Variants in ZNF804B observed in about 807,000 individuals in gnomAD.
The protein encoded by ZNF804B is zinc finger protein 804B.
ZNF804B carries 80 observed loss-of-function variants against 101.4 expected under a neutral mutation model. The observed-to-expected ratio is 0.79, with a 90% CI of 0.66 to 0.95. The LOEUF is 0.95. Ranked by LOEUF, ZNF804B falls within the 40% of genes least tolerant of loss-of-function variation. The pLI is 0.00. For synonymous variants in ZNF804B, 622 were observed against 558.8 expected (o/e 1.11, Z -1.59); for missense variants, 1,673 against 1,561.9 (o/e 1.07, Z -1.20).
intron 1 of ZNF804B, among the ~76,000 whole-genome samples, chr7:88,976,878 A>G (rs765752734): frequency 1.3e-5 from 2 of 151,688 alleles, no homozygotes; most frequent in Non-Finnish European, 3.0e-5. Context: ...GGTCTGTGGT[A>G]CATGGCTTTC....
intron 1 of ZNF804B, among the ~76,000 whole-genome samples, chr7:88,874,519 T>G: frequency 6.6e-6 from 1 of 151,666 alleles, no homozygotes. Context: ...TGAATAGGAG[T>G]GGTGAGAGAG....
intron 1 of ZNF804B, among the ~76,000 whole-genome samples, chr7:89,103,048 G>GT (rs56693128): frequency 0.015 from 499 of 33,750 alleles, 133 homozygotes; most frequent in East Asian, 0.061. Context: ...CTATGTGTCT[G>GT]TTTTTTTTTT....
At chr7:89,176,853 G>T (rs1480516051) in intron 1 of ZNF804B, among the ~76,000 whole-genome samples, 1 of 151,464 alleles carries the variant, frequency 6.6e-6, no homozygotes, top group African/African-American at 2.4e-5. Flanking sequence ...ATATCTTCAT[G>T]GTTCAATCTT....
intron 1 of ZNF804B, among the ~76,000 whole-genome samples, chr7:89,072,774 A>G (rs1435739922): frequency 6.6e-6 from 1 of 152,008 alleles, no homozygotes. Context: ...TCTTATTTCA[A>G]CTCTATTTAG....
intron 2 of ZNF804B, among the ~76,000 whole-genome samples, chr7:89,305,179 T>C (rs1178963425): frequency 6.6e-6 from 1 of 152,004 alleles, no homozygotes; most frequent in Non-Finnish European, 1.5e-5. Context: ...GCCTTGTACA[T>C]AGTACTTTGA....
At chr7:89,018,636 CT>C (rs1316311266) in intron 1 of ZNF804B, among the ~76,000 whole-genome samples, 1 of 152,016 alleles carries the variant, frequency 6.6e-6, no homozygotes. Context: ...AGCAGTGAAG[CT>C]GGACTGTGCT....
intron 1 of ZNF804B, among the ~76,000 whole-genome samples, chr7:89,212,649 A>G (rs1584058165): frequency 6.6e-6 from 1 of 152,174 alleles, no homozygotes; most frequent in African/African-American, 2.4e-5. Flanking sequence ...ATTTAAATCT[A>G]TGCCTTTTCC....
rs905992583 is a variant in ZNF804B at position 88,780,400 on chromosome 7, T to TTG, written c.108+20317_108+20318insGT. ...TACTTTTTTGTCTTTTTTTTTTTTT[T>TTG]TTTTTTGAGAGAGGATCTCACTCTG... On this transcript the variant is annotated intron_variant, in intron 1 of 3. Coordinates refer to ENST00000333190, the MANE Select transcript of ZNF804B (RefSeq NM_181646.5). 3.7e-4 allele frequency among the ~76,000 whole-genome samples: 54 copies of TTG among 147,924 alleles called. No homozygotes were observed. In the East Asian group the frequency reaches 8.7e-3, roughly 24 times the overall value.
intron 1 of ZNF804B, among the ~76,000 whole-genome samples, chr7:88,996,315 T>C (rs746448143): frequency 1.8e-4 from 27 of 152,116 alleles, no homozygotes; most frequent in Non-Finnish European, 3.2e-4. Context: ...AAATAACTTG[T>C]ACCATACAAA....
At chr7:88,868,668 A>G (rs1791773342) in intron 1 of ZNF804B, among the ~76,000 whole-genome samples, 1 of 152,208 alleles carries the variant, frequency 6.6e-6, no homozygotes, top group Admixed American at 6.5e-5. Context: ...AGACCTTTTT[A>G]TTCATGTTTC....
rs540931716 is a variant in ZNF804B, at chr7:89,317,700, A to G, written c.250-9644A>G. Among the ~76,000 whole-genome samples, 3 of 152,324 alleles carry G rather than the reference A, an allele frequency of 2.0e-5. No homozygotes were observed. The South Asian group carries it at 6.2e-4, about 32-fold the overall frequency. ...ATTAGAAAGCTGCTGAAGAGGTGGCAGGAAAGTTCAAGTGCATAAGTCTCA... is the reference window on the plus strand; with the variant it reads ...ATTAGAAAGCTGCTGAAGAGGTGGCGGGAAAGTTCAAGTGCATAAGTCTCA... On this transcript the variant is annotated intron_variant, in intron 2 of 3. Coordinates refer to ENST00000333190, the MANE Select transcript of ZNF804B (RefSeq NM_181646.5).
At position 88,867,537 on chromosome 7, in the gene ZNF804B, G is replaced by T. The variant is rs182610529; in HGVS notation, c.108+107453G>T. ...ATGGTGCACACCCACATTAAGGGGG[G>T]ATTTTCCTCACTAAGTGTACAGACT... On this transcript the variant is annotated intron_variant, in intron 1 of 3. Transcript: ENST00000333190. Among the ~76,000 whole-genome samples, 12 of 152,280 alleles carry T rather than the reference G, an allele frequency of 7.9e-5. No homozygotes were observed. In the East Asian group the frequency reaches 2.3e-3, roughly 29 times the overall value.
At chr7:89,223,395 T>C (rs1423285205) in intron 2 of ZNF804B, among the ~76,000 whole-genome samples, 2 of 151,922 alleles carry the variant, frequency 1.3e-5, no homozygotes, top group South Asian at 2.1e-4. Flanking sequence ...GCTTAATAAG[T>C]AATTTCTGAA....
intron 1 of ZNF804B, among the ~76,000 whole-genome samples, chr7:88,837,783 C>T (rs559409065): frequency 1.3e-5 from 2 of 151,854 alleles, no homozygotes; most frequent in African/African-American, 4.8e-5. Context: ...TAACATATTG[C>T]AACAGATTGT....
intron 1 of ZNF804B, among the ~76,000 whole-genome samples, chr7:88,877,971 A>C (rs1459182301): frequency 6.6e-6 from 1 of 152,156 alleles, no homozygotes; most frequent in Non-Finnish European, 1.5e-5. Context: ...GAAACAACAG[A>C]ATATGACAGA....
chr7:88,839,730 A>AACCGAGAGCAGGTTCTTC (rs375719809), intron 1 of ZNF804B, among the ~76,000 whole-genome samples: 4 of 151,966 alleles, frequency 2.6e-5, no homozygotes, highest in Non-Finnish European at 4.4e-5. Context: ...TTAGCAGTTT[A>AACCGAGAGCAGGTTCTTC]ACCGAGAGCA....
chr7:89,315,693 T>G (rs989379414), intron 2 of ZNF804B, among the ~76,000 whole-genome samples: 19 of 151,926 alleles, frequency 1.3e-4, no homozygotes, highest in Non-Finnish European at 2.8e-4. Flanking sequence ...GAGTCACTGC[T>G]AAAAAAGTAT....
chr7:89,024,597 CTTT>C (rs71120052), intron 1 of ZNF804B, among the ~76,000 whole-genome samples: 63 of 94,234 alleles, frequency 6.7e-4, no homozygotes, highest in Admixed American at 1.1e-3. Flanking sequence ...AAAGCTATTA[CTTT>C]TTTTTTTTTT....
At chr7:88,885,692 A>G (rs2115917444) in intron 1 of ZNF804B, among the ~76,000 whole-genome samples, 1 of 151,130 alleles carries the variant, frequency 6.6e-6, no homozygotes, top group East Asian at 1.9e-4. Context: ...TTTACTTTTC[A>G]TAAGTTTTAC....
Sources: gnomAD v4.1 joint callset for allele counts (sites outside exome capture counted in the v4.1 genomes callset) on GRCh38, gnomAD v4.1.1 for gene constraint, MANE v1.5 for transcripts, NCBI Gene and HGNC (gene_info 2026-07-23, HGNC 2026-07-21) for gene names.